The following FGF12 variants were observed in gnomAD, a reference collection of about 807,000 sequenced individuals.
FGF12 encodes the protein fibroblast growth factor 12.
In FGF12, 14 loss-of-function variants were observed where a neutral mutation model predicts 23.6. That is an observed-to-expected ratio of 0.59 (90% confidence interval 0.39 to 0.93). The LOEUF is 0.93. Ranked by LOEUF, FGF12 falls within the 40% of genes least tolerant of loss-of-function variation. The pLI, the probability that FGF12 is intolerant of heterozygous loss-of-function variation, is 0.00. For synonymous variants in FGF12, 62 were observed against 77.3 expected (o/e 0.80, Z 1.04); for missense variants, 175 against 217.8 (o/e 0.80, Z 1.24).
intron 2 of FGF12, among the ~76,000 whole-genome samples, chr3:192,652,629 T>C (rs1324479926): frequency 6.6e-6 from 1 of 152,156 alleles, no homozygotes; most frequent in Non-Finnish European, 1.5e-5. Flanking sequence ...TTGTGAGAAA[T>C]ACAAATTCTC....
At chr3:192,428,489 A>T (rs1395757893) in intron 2 of FGF12, among the ~76,000 whole-genome samples, 1 of 152,188 alleles carries the variant, frequency 6.6e-6, no homozygotes, top group Non-Finnish European at 1.5e-5. Context: ...CTGAAAAATA[A>T]ATTAGAGTAT....
intron 4 of FGF12, among the ~76,000 whole-genome samples, chr3:192,232,446 A>G (rs1719069886): frequency 6.6e-6 from 1 of 152,118 alleles, no homozygotes; most frequent in African/African-American, 2.4e-5. Flanking sequence ...GAGTTCTCAT[A>G]ATTTGTATAA....
chr3:192,340,280 T>G (rs547390905), intron 3 of FGF12, among the ~76,000 whole-genome samples: 18 of 152,254 alleles, frequency 1.2e-4, no homozygotes, highest in African/African-American at 4.3e-4. Context: ...ATTTATAGTT[T>G]TATTCTTCTA....
chr3:192,658,951 A>G (rs959880257), intron 2 of FGF12, among the ~76,000 whole-genome samples: 1 of 152,184 alleles, frequency 6.6e-6, no homozygotes, highest in African/African-American at 2.4e-5. Context: ...AAGGTAAGTC[A>G]TACATGGCCC....
Position 192,515,684 on chromosome 3 carries a change from G to A in FGF12, c.14-155146C>T, listed in dbSNP as rs545056919. Among the ~76,000 whole-genome samples the A allele has an allele frequency of 9.2e-5, 14 of 152,316 alleles. No homozygotes were observed. The South Asian group carries it at 2.9e-3, about 32-fold the overall frequency. On this transcript the variant is annotated intron_variant, in intron 2 of 5. Transcript: ENST00000445105. ...GAAGGGACAGAGGGAGAGGAGGCAGGTGAGGCGAGAAATCTGAAGACAAAA... is the reference window on the plus strand; with the variant it reads ...GAAGGGACAGAGGGAGAGGAGGCAGATGAGGCGAGAAATCTGAAGACAAAA...
intron 2 of FGF12, among the ~76,000 whole-genome samples, chr3:192,469,528 C>T (rs1723110186): frequency 6.6e-6 from 1 of 152,164 alleles, no homozygotes; most frequent in Admixed American, 6.6e-5. Flanking sequence ...AGCTTGTCCT[C>T]CACAATAACC....
intron 4 of FGF12, among the ~76,000 whole-genome samples, chr3:192,286,712 A>G (rs1361423294): frequency 6.6e-6 from 1 of 152,054 alleles, no homozygotes; most frequent in African/African-American, 2.4e-5. Flanking sequence ...ACAATGGTTT[A>G]TTGTTGTTCT....
At chr3:192,372,886 C>T (rs1413861209) in intron 2 of FGF12, among the ~76,000 whole-genome samples, 1 of 152,190 alleles carries the variant, frequency 6.6e-6, no homozygotes, top group East Asian at 1.9e-4. Context: ...TCTTAATTGA[C>T]TCTCTCCCTG....
At chr3:192,422,054 G>C (rs1721547963) in intron 2 of FGF12, among the ~76,000 whole-genome samples, 1 of 150,720 alleles carries the variant, frequency 6.6e-6, no homozygotes, top group Non-Finnish European at 1.5e-5. Flanking sequence ...TTTGGCTTTT[G>C]GTATTTTTTT....
chr3:192,401,078 T>C (rs1254560877), intron 2 of FGF12, among the ~76,000 whole-genome samples: 1 of 152,248 alleles, frequency 6.6e-6, no homozygotes, highest in Non-Finnish European at 1.5e-5. Context: ...TATTTGTTTA[T>C]TAAAACAATA....
intron 2 of FGF12, among the ~76,000 whole-genome samples, chr3:192,572,727 C>G (rs1198527433): frequency 2.6e-5 from 4 of 152,136 alleles, no homozygotes; most frequent in African/African-American, 7.2e-5. Context: ...CTATTTTAAT[C>G]AGAGCTATAA....
intron 2 of FGF12, among the ~76,000 whole-genome samples, chr3:192,383,681 A>G (rs940539134): frequency 1.3e-5 from 2 of 152,146 alleles, no homozygotes; most frequent in African/African-American, 4.8e-5. Context: ...TTATGGCTAT[A>G]TATTTGAGGT....
chr3:192,407,948 G>A (rs981803246), intron 2 of FGF12: 19 of 1,444,492 alleles, frequency 1.3e-5, no homozygotes, highest in South Asian at 1.1e-4. Context: ...TCCCTTCCAC[G>A]GGGGTCCCGA....
rs138858327 is a variant in FGF12, at chr3:192,599,546, T to C, written c.13+127635A>G. Reference sequence around the variant, plus strand: ...ATAAGATAATAAAAATGACAACCAATATTGTTATTGCCACTATGTAAGTAT... The same window carrying C: ...ATAAGATAATAAAAATGACAACCAACATTGTTATTGCCACTATGTAAGTAT... On this transcript the variant is annotated intron_variant, in intron 2 of 5. Transcript: ENST00000445105. 4.2e-3 allele frequency among the ~76,000 whole-genome samples: 637 copies of C among 152,084 alleles called. 5 individuals carry two copies. Among genetic ancestry groups the C allele is most frequent in the African/African-American group, 0.014 (602 of 41,528 alleles).
At chr3:192,310,272 T>C (rs1715865046) in intron 4 of FGF12, among the ~76,000 whole-genome samples, 1 of 152,212 alleles carries the variant, frequency 6.6e-6, no homozygotes, top group African/African-American at 2.4e-5. Flanking sequence ...AGACACATGT[T>C]GCCCCTCAAC....
chr3:192,445,757 A>G (rs1722335686), intron 2 of FGF12, among the ~76,000 whole-genome samples: 1 of 152,134 alleles, frequency 6.6e-6, no homozygotes, highest in South Asian at 2.1e-4. Flanking sequence ...AATCCTATGG[A>G]TTCAAATAAT....
chr3:192,145,131 C>T (rs1455418235), intron 5 of FGF12, among the ~76,000 whole-genome samples: 1 of 152,212 alleles, frequency 6.6e-6, no homozygotes, highest in Non-Finnish European at 1.5e-5. Flanking sequence ...CGGATCCACA[C>T]CCTGACTCAG....
At chr3:192,232,677 G>A (rs565001144) in intron 4 of FGF12, among the ~76,000 whole-genome samples, 1 of 152,044 alleles carries the variant, frequency 6.6e-6, no homozygotes, top group South Asian at 2.1e-4. Context: ...TTGATAGGTA[G>A]TTTTTTTGAC....
chr3:192,158,391 C>CTTT (rs1163929214), intron 5 of FGF12, among the ~76,000 whole-genome samples: 27 of 77,066 alleles, frequency 3.5e-4, no homozygotes, highest in African/African-American at 1.5e-3. Flanking sequence ...TCTTTTCTTT[C>CTTT]TCTCTCTTTC....
Sources: gnomAD v4.1 joint callset for allele counts (sites outside exome capture counted in the v4.1 genomes callset) on GRCh38, gnomAD v4.1.1 for gene constraint, MANE v1.5 for transcripts, NCBI Gene and HGNC (gene_info 2026-07-23, HGNC 2026-07-21) for gene names.